The following FRMD4A variants were observed in gnomAD, a reference collection of about 807,000 sequenced individuals.
The protein encoded by FRMD4A is FERM domain containing 4A, also known as FERM domain-containing protein 4A.
In FRMD4A, 29 loss-of-function variants were observed where a neutral mutation model predicts 129.1. The ratio of observed to expected loss-of-function variants is 0.22; its 90% CI spans 0.17 to 0.31. The LOEUF is 0.31. Among genes scored for constraint, FRMD4A ranks in the 10% least tolerant of loss-of-function variants. FRMD4A has a pLI of 1.00. For synonymous variants in FRMD4A, 634 were observed against 571.6 expected (o/e 1.11, Z -1.56); for missense variants, 1,272 against 1,375.8 (o/e 0.92, Z 1.19).
chr10:14,330,217 G>T, intron 1 of FRMD4A, 34 bp from the exon 2 acceptor site: 1 of 1,067,056 alleles, frequency 9.4e-7, no homozygotes, highest in South Asian at 1.4e-5. Context: ...CAGACTTAGG[G>T]AGCAAAAGGC....
At chr10:14,283,321 T>C (rs1004401595) in intron 2 of FRMD4A, among the ~76,000 whole-genome samples, 2 of 152,228 alleles carry the variant, frequency 1.3e-5, no homozygotes, top group Non-Finnish European at 2.9e-5. Flanking sequence ...GGTTGTTAAG[T>C]AGCAGCGTTC....
intron 2 of FRMD4A, among the ~76,000 whole-genome samples, chr10:13,905,218 C>A (rs904971024): frequency 3.5e-4 from 53 of 152,050 alleles, no homozygotes; most frequent in African/African-American, 3.1e-4. Context: ...TTTGAGGGGG[C>A]CTAATAAAAG....
In FRMD4A at chr10:13,821,004, A is replaced by C. The variant is rs1044501946; in HGVS notation, c.112-10096T>G. Among the ~76,000 whole-genome samples, 1 of 152,220 alleles carries C rather than the reference A, an allele frequency of 6.6e-6. No individual in the cohort carries two copies. The highest frequency in any genetic ancestry group is 2.1e-4 in the South Asian group (1 of 4,828). Reference sequence around the variant, plus strand: ...CAGGGGAAGGAGCGCAGCTTTGAATAAATGAGCCTGAGCAAGCTGCCGGGT... The same window carrying C: ...CAGGGGAAGGAGCGCAGCTTTGAATCAATGAGCCTGAGCAAGCTGCCGGGT... On this transcript the variant is annotated intron_variant, in intron 3 of 24. Coordinates refer to ENST00000357447, the MANE Select transcript of FRMD4A (RefSeq NM_018027.5). This position sits in a 1 kb window ranked among gnomAD's most constrained non-coding sequence, Gnocchi z 4.3.
intron 5 of FRMD4A, among the ~76,000 whole-genome samples, chr10:13,786,328 T>G (rs562096117): frequency 1.3e-5 from 2 of 152,330 alleles, no homozygotes; most frequent in Non-Finnish European, 2.9e-5. Context: ...AAAATAAATC[T>G]ATATCGTAGC....
rs754386917 is a variant in FRMD4A, at chr10:13,919,799, G to A, written c.46-60887C>T. Among the ~76,000 whole-genome samples, 22 of 152,196 alleles carry A rather than the reference G, an allele frequency of 1.4e-4. 1 individual carries two copies. The highest frequency in any genetic ancestry group is 8.3e-4 in the South Asian group (4 of 4,816). ...CTAAAAATACAAAAATTAGCCAGGC[G>A]TGGTGGCATGTGCCTGTAATCCCAG... On this transcript the variant is annotated intron_variant, in intron 2 of 24. Coordinates refer to ENST00000357447, the MANE Select transcript of FRMD4A (RefSeq NM_018027.5).
chr10:13,853,852 A>T (rs1016889793), intron 3 of FRMD4A, among the ~76,000 whole-genome samples: 59 of 151,452 alleles, frequency 3.9e-4, no homozygotes, highest in African/African-American at 1.4e-3. Flanking sequence ...AAAAAAAAAA[A>T]ACCCAAAAAG....
At chr10:14,140,904 G>A (rs1189527748) in intron 2 of FRMD4A, among the ~76,000 whole-genome samples, 1 of 152,144 alleles carries the variant, frequency 6.6e-6, no homozygotes, top group African/African-American at 2.4e-5. Flanking sequence ...CAGGGAGACT[G>A]AAGTCTGGCT....
chr10:13,848,951 T>C (rs2094100458), intron 3 of FRMD4A, among the ~76,000 whole-genome samples: 1 of 152,226 alleles, frequency 6.6e-6, no homozygotes, highest in African/African-American at 2.4e-5. Context: ...GCGTTATCTG[T>C]CTGTGCTCTA....
chr10:14,121,062 G>A (rs1273089586), intron 2 of FRMD4A, among the ~76,000 whole-genome samples: 1 of 152,122 alleles, frequency 6.6e-6, no homozygotes, highest in East Asian at 1.9e-4. Context: ...AATCACCTGG[G>A]GACTTTGCTA....
chr10:14,045,185 T>TG (rs1413750072), intron 2 of FRMD4A, among the ~76,000 whole-genome samples: 2 of 152,194 alleles, frequency 1.3e-5, no homozygotes, highest in Non-Finnish European at 2.9e-5. Flanking sequence ...CCACTATGCC[T>TG]GGCCATTCCC....
intron 3 of FRMD4A, among the ~76,000 whole-genome samples, chr10:13,847,971 C>A (rs2094077805): frequency 2.0e-5 from 3 of 152,210 alleles, no homozygotes; most frequent in Admixed American, 1.3e-4. Context: ...CCCTTGGGTC[C>A]CTGTGACCCC....
At chr10:13,682,634 G>A (rs2004598) in intron 15 of FRMD4A, among the ~76,000 whole-genome samples, 68,042 of 151,046 alleles carry the variant, frequency 0.45, 16,789 homozygotes, top group Non-Finnish European at 0.57. Flanking sequence ...CTGAATAGCT[G>A]GGACCACAGG....
intron 2 of FRMD4A, among the ~76,000 whole-genome samples, chr10:14,305,024 C>T (rs948092317): frequency 2.6e-5 from 4 of 152,204 alleles, no homozygotes; most frequent in Non-Finnish European, 4.4e-5. Context: ...TGGCTGGGAT[C>T]GCTGCCTTAA....
At chr10:14,174,229 G>A (rs1217844817) in intron 2 of FRMD4A, among the ~76,000 whole-genome samples, 1 of 151,950 alleles carries the variant, frequency 6.6e-6, no homozygotes, top group African/African-American at 2.4e-5. Flanking sequence ...GCCGTTCCTG[G>A]AGAAGCCTGC....
chr10:13,907,263 A>T (rs2094891480), intron 2 of FRMD4A, among the ~76,000 whole-genome samples: 1 of 152,174 alleles, frequency 6.6e-6, no homozygotes, highest in Admixed American at 6.5e-5. Context: ...CTAAACTATG[A>T]TCAGCTAATA....
chr10:14,021,634 G>A (rs1300011463), intron 2 of FRMD4A, among the ~76,000 whole-genome samples: 1 of 151,906 alleles, frequency 6.6e-6, no homozygotes, highest in East Asian at 1.9e-4. Flanking sequence ...TCTGGGGGAG[G>A]GAGAGAATTT....
At chr10:13,983,188 T>C (rs2095568333) in intron 2 of FRMD4A, among the ~76,000 whole-genome samples, 1 of 152,194 alleles carries the variant, frequency 6.6e-6, no homozygotes, top group South Asian at 2.1e-4. Context: ...CGCCAATTTC[T>C]GACAGAGGCC....
Position 14,038,196 on chromosome 10 carries a change from G to C in FRMD4A, c.46-179284C>G, listed in dbSNP as rs543465373. Among the ~76,000 whole-genome samples, 63 of 152,294 alleles carry C rather than the reference G, an allele frequency of 4.1e-4. 1 individual carries two copies. Among genetic ancestry groups the C allele is most frequent in the Middle Eastern group, 3.4e-3 (1 of 294 alleles). On this transcript the variant is annotated intron_variant, in intron 2 of 24. Coordinates refer to ENST00000357447, the MANE Select transcript of FRMD4A (RefSeq NM_018027.5). ...AAATTAGCTGGGCGAGGTGGCGGGCGCCTGTAGTCCCAGCTTCTCGGGAGG... is the reference window on the plus strand; with the variant it reads ...AAATTAGCTGGGCGAGGTGGCGGGCCCCTGTAGTCCCAGCTTCTCGGGAGG...
chr10:13,796,674 G>A, intron 4 of FRMD4A, 86 bp from the exon 5 acceptor site: 1 of 710,446 alleles, frequency 1.4e-6, no homozygotes, highest in Non-Finnish European at 2.6e-6. Flanking sequence ...AGCAGAACGT[G>A]CTGGATCGTA....
Sources: gnomAD v4.1 joint callset for allele counts (sites outside exome capture counted in the v4.1 genomes callset) on GRCh38, gnomAD v4.1.1 for gene constraint, Gnocchi (gnomAD v3.1) non-coding constraint, MANE v1.5 for transcripts, NCBI Gene and HGNC (gene_info 2026-07-23, HGNC 2026-07-21) for gene names.